The following TTC28 variants were observed in gnomAD, a reference collection of about 807,000 sequenced individuals.
TTC28 encodes the protein tetratricopeptide repeat protein 28.
A neutral mutation model predicts 198.0 loss-of-function variants in TTC28; 61 were observed. That is an observed-to-expected ratio of 0.31 (90% CI 0.25 to 0.38). The LOEUF (loss-of-function observed/expected upper bound fraction) is 0.38, where lower values mean the gene tolerates loss of function less well. Ranked by LOEUF, TTC28 falls within the 10% of genes least tolerant of loss-of-function variation. The probability of loss-of-function intolerance (pLI) is 1.00; values close to 1 mark genes in which losing one functional copy is unlikely to be tolerated. For synonymous variants in TTC28, 1,171 were observed against 1,297.8 expected (o/e 0.90, Z 2.10); for missense variants, 2,678 against 3,164.0 (o/e 0.85, Z 3.69).
intron 5 of TTC28, among the ~76,000 whole-genome samples, chr22:28,251,232 G>A (rs934645817): frequency 4.6e-5 from 7 of 152,156 alleles, no homozygotes; most frequent in African/African-American, 7.2e-5. Flanking sequence ...AGACACAGAT[G>A]GGAACGATAA....
chr22:28,262,280 G>A (rs1931375754), intron 5 of TTC28, among the ~76,000 whole-genome samples: 1 of 152,110 alleles, frequency 6.6e-6, no homozygotes, highest in Non-Finnish European at 1.5e-5. Context: ...AGCTTTAACT[G>A]TTACAACTAA....
chr22:28,126,304 T>A (rs1942911969), intron 6 of TTC28, among the ~76,000 whole-genome samples: 1 of 152,216 alleles, frequency 6.6e-6, no homozygotes, highest in South Asian at 2.1e-4. Flanking sequence ...TAACTATGGC[T>A]GGGGTTGGCC....
intron 5 of TTC28, among the ~76,000 whole-genome samples, chr22:28,231,383 T>A (rs778055230): frequency 3.9e-5 from 6 of 152,236 alleles, no homozygotes; most frequent in Non-Finnish European, 7.3e-5. Flanking sequence ...TTGTTTTGTT[T>A]TGTTTTTGTT....
At chr22:28,643,927 T>C (rs767030022) in intron 1 of TTC28, among the ~76,000 whole-genome samples, 9 of 152,152 alleles carry the variant, frequency 5.9e-5, no homozygotes, top group Non-Finnish European at 1.0e-4. Context: ...TTATCTCTAG[T>C]AGGGGAAGAA....
chr22:28,249,730 C>T (rs1157373811), intron 5 of TTC28, among the ~76,000 whole-genome samples: 4 of 152,218 alleles, frequency 2.6e-5, no homozygotes, highest in East Asian at 3.8e-4. Context: ...CTCCCTGAGA[C>T]GGGCAGGCCC....
chr22:28,496,276 C>G (rs937365073), intron 2 of TTC28, among the ~76,000 whole-genome samples: 4 of 152,076 alleles, frequency 2.6e-5, no homozygotes. Flanking sequence ...TGTCATCTCC[C>G]TGAACTCCAG....
At chr22:28,626,896 T>C (rs1029170683) in intron 2 of TTC28, among the ~76,000 whole-genome samples, 3 of 152,060 alleles carry the variant, frequency 2.0e-5, no homozygotes, top group African/African-American at 7.2e-5. Context: ...ATAATAAAAG[T>C]ACACTTTTTA....
chr22:28,018,261 G>A (rs188541128), intron 13 of TTC28, among the ~76,000 whole-genome samples: 1 of 139,322 alleles, frequency 7.2e-6, no homozygotes. Flanking sequence ...GTGTGTGTGT[G>A]TGTGTGTGTG....
chr22:28,513,204 G>A (rs2048717583), intron 2 of TTC28, among the ~76,000 whole-genome samples: 1 of 151,908 alleles, frequency 6.6e-6, no homozygotes, highest in African/African-American at 2.4e-5. Context: ...CCCATACTTT[G>A]AATTTTTAAT....
intron 2 of TTC28, among the ~76,000 whole-genome samples, chr22:28,537,277 A>G (rs2049300846): frequency 6.8e-6 from 1 of 147,188 alleles, no homozygotes; most frequent in South Asian, 2.1e-4. Flanking sequence ...TGGGCGACAG[A>G]GCCAGACTCC....
rs567419478 is a variant in TTC28, at chr22:28,107,760, C to T, written c.2085G>A (p.Glu695=). The T allele has an allele frequency of 9.7e-6, 15 of 1,552,024 alleles. 1 individual carries two copies. In the South Asian group the frequency reaches 1.5e-4, roughly 16 times the overall value. Residue 695 remains glutamate, a synonymous_variant, in exon 7 of 23, where the codon GAG becomes GAA. Coordinates refer to ENST00000397906, the MANE Select transcript of TTC28 (RefSeq NM_001145418.2). ...KALLNFSKAE[E]CQKYLLSLAQ... is the part of the protein sequence containing the mutation. ...CTAGGGACAGTAGGTACTTCTGACA[C>T]TCTTCAGCTTTACTGAAATTCAGCA...
At chr22:28,385,900 GC>G (rs1455350444) in intron 2 of TTC28, among the ~76,000 whole-genome samples, 33 of 151,948 alleles carry the variant, frequency 2.2e-4, no homozygotes. Flanking sequence ...CTCCACCTCT[GC>G]CAAAAACACT....
chr22:28,659,039 C>G (rs2051702727), intron 1 of TTC28, among the ~76,000 whole-genome samples: 1 of 151,898 alleles, frequency 6.6e-6, no homozygotes, highest in Non-Finnish European at 1.5e-5. Flanking sequence ...AGATGATCTC[C>G]CTATCATGTA....
chr22:28,397,197 A>G (rs2046831997), intron 2 of TTC28, among the ~76,000 whole-genome samples: 1 of 152,250 alleles, frequency 6.6e-6, no homozygotes, highest in Admixed American at 6.5e-5. Context: ...AGATAAAGAG[A>G]CAAGGGAACA....
At chr22:28,351,286 C>T (rs2045992481) in intron 2 of TTC28, among the ~76,000 whole-genome samples, 1 of 152,122 alleles carries the variant, frequency 6.6e-6, no homozygotes, top group African/African-American at 2.4e-5. Flanking sequence ...AACAAAAGAG[C>T]TCATTCTCAT....
At position 28,008,298 on chromosome 22, in the gene TTC28, G is replaced by A. The variant is rs139134821; in HGVS notation, c.4218+5950C>T. Reference sequence around the variant, plus strand: ...CACTCTCATGGCCGAGCCCTCGGCAGAGCTAGACCCCTGCTTTCACTCTTA... The same window carrying A: ...CACTCTCATGGCCGAGCCCTCGGCAAAGCTAGACCCCTGCTTTCACTCTTA... On this transcript the variant is annotated intron_variant, in intron 14 of 22. Coordinates refer to ENST00000397906, the MANE Select transcript of TTC28 (RefSeq NM_001145418.2). 53 of 152,282 alleles carry A rather than the reference G, an allele frequency of 3.5e-4. 1 individual carries two copies. Among genetic ancestry groups the A allele is most frequent in the African/African-American group, 1.2e-3 (51 of 41,558 alleles). The allele number at this position is 152,282 out of a possible 1,614,324, so 9.4% of individuals were successfully genotyped here. A position where few individuals can be genotyped will look rare whatever the true frequency, so the allele number is the denominator to read the frequency against.
chr22:28,314,159 T>G (rs968930694), intron 2 of TTC28, among the ~76,000 whole-genome samples: 13 of 152,172 alleles, frequency 8.5e-5, no homozygotes, highest in Non-Finnish European at 1.9e-4. Flanking sequence ...TTACAAGGGA[T>G]GTGACAGACC....
chr22:28,541,028 T>C (rs547548971), intron 2 of TTC28, among the ~76,000 whole-genome samples: 1 of 152,242 alleles, frequency 6.6e-6, no homozygotes, highest in South Asian at 2.1e-4. Context: ...TCAAAACAGA[T>C]CTGTATTAAA....
At chr22:28,090,356 T>C (rs910707958) in intron 12 of TTC28, among the ~76,000 whole-genome samples, 3 of 152,078 alleles carry the variant, frequency 2.0e-5, no homozygotes, top group African/African-American at 7.2e-5. Flanking sequence ...TAATATTTTG[T>C]CTATGTGATT....
Sources: gnomAD v4.1 joint callset for allele counts (sites outside exome capture counted in the v4.1 genomes callset) on GRCh38, gnomAD v4.1.1 for gene constraint, MANE v1.5 for transcripts, NCBI Gene and HGNC (gene_info 2026-07-23, HGNC 2026-07-21) for gene names.